The following PPP3R1 variants were observed in gnomAD, a reference collection of about 807,000 sequenced individuals.
PPP3R1 encodes calcineurin subunit B type 1.
PPP3R1 carries 5 observed loss-of-function variants against 22.6 expected under a neutral mutation model. The ratio of observed to expected loss-of-function variants is 0.22; its 90% CI spans 0.12 to 0.46. PPP3R1 has a LOEUF of 0.46. Among genes scored for constraint, PPP3R1 ranks in the 20% least tolerant of loss-of-function variants. The probability of loss-of-function intolerance (pLI) is 0.99; values close to 1 mark genes in which losing one functional copy is unlikely to be tolerated. For synonymous variants in PPP3R1, 56 were observed against 65.2 expected (o/e 0.86, Z 0.68); for missense variants, 61 against 203.2 (o/e 0.30, Z 4.25).
chr2:68,202,581 T>C (rs1269368104), intron 2 of PPP3R1, among the ~76,000 whole-genome samples: 1 of 151,766 alleles, frequency 6.6e-6, no homozygotes, highest in African/African-American at 2.4e-5. Flanking sequence ...CCCACAACCA[T>C]GCCCGGCTAA....
intron 5 of PPP3R1, 130 bp downstream of exon 5, chr2:68,186,335 AAAC>A (rs1159961380): frequency 2.5e-6 from 2 of 803,044 alleles, no homozygotes; most frequent in Non-Finnish European, 1.9e-6. Flanking sequence ...ACACATTTCA[AAAC>A]AATACGGGCA....
intron 2 of PPP3R1, among the ~76,000 whole-genome samples, chr2:68,201,833 T>C (rs1674981000): frequency 6.6e-6 from 1 of 152,254 alleles, no homozygotes; most frequent in South Asian, 2.1e-4. Flanking sequence ...ACTGCTGCTG[T>C]GAAGAAGTCC....
chr2:68,192,888 A>G (rs557937331), intron 2 of PPP3R1, among the ~76,000 whole-genome samples: 26 of 152,244 alleles, frequency 1.7e-4, no homozygotes, highest in South Asian at 8.3e-4. Flanking sequence ...CATCTCTGCT[A>G]AAGTATAGAT....
At chr2:68,202,439 T>TTG (rs1558632451) in intron 2 of PPP3R1, among the ~76,000 whole-genome samples, 336 of 94,040 alleles carry the variant, frequency 3.6e-3, no homozygotes, top group East Asian at 0.014. Context: ...TGTTGTTGTT[T>TTG]TTTGAGATGG....
At chr2:68,197,197 GCAGT>G (rs1371724258) in intron 2 of PPP3R1, among the ~76,000 whole-genome samples, 1 of 152,188 alleles carries the variant, frequency 6.6e-6, no homozygotes, top group East Asian at 1.9e-4. Context: ...GAGCCCTTTT[GCAGT>G]CAATCACCCT....
chr2:68,239,018 ATACTTT>A (rs71882598), intron 1 of PPP3R1, among the ~76,000 whole-genome samples: 6,519 of 152,260 alleles, frequency 0.043, 440 homozygotes, highest in African/African-American at 0.14. Context: ...ACATAATAAA[ATACTTT>A]TAAAGGTACA....
In PPP3R1 at chr2:68,181,077, C is replaced by T. The variant is rs956517797; in HGVS notation, c.466-67G>A. The T allele has an allele frequency of 3.0e-5, 45 of 1,476,688 alleles. 4 individuals are homozygous for T. The South Asian group carries it at 4.7e-4, about 15-fold the overall frequency. The allele number at this position is 1,476,688 out of a possible 1,614,324, so 91.5% of individuals were successfully genotyped here. A position where few individuals can be genotyped will look rare whatever the true frequency, so the allele number is the denominator to read the frequency against. The stretch of plus-strand genomic sequence containing the variant: ...AAACTCCTCATTCGTGGTCTAACTA[C>T]TTCATCAAATTTTAAAAAATATTAC... On this transcript the variant is annotated intron_variant, in intron 5 of 5. Coordinates refer to ENST00000234310, the MANE Select transcript of PPP3R1 (RefSeq NM_000945.4).
chr2:68,180,472 T>C lies in PPP3R1; in HGVS notation c.*491A>G, dbSNP rs1357741342. ...AGCTGGCCTAACACCCGGCTCAAAT[T>C]GTACAGTCTTCTATCTATATATAAA... On this transcript the variant is annotated 3_prime_UTR_variant, in exon 6 of 6. Transcript: ENST00000234310. 2.0e-5 allele frequency: 3 copies of C among 152,656 alleles called. No individual in the cohort carries two copies. Among genetic ancestry groups the C allele is most frequent in the Admixed American group, 1.3e-4 (2 of 15,290 alleles). 9.5% of individuals were successfully genotyped at this position (152,656 alleles called of 1,614,324 possible).
At chr2:68,189,090 T>TC (rs1163208637) in intron 2 of PPP3R1, among the ~76,000 whole-genome samples, 7 of 152,212 alleles carry the variant, frequency 4.6e-5, no homozygotes, top group Non-Finnish European at 1.0e-4. Flanking sequence ...CAACCTCTGT[T>TC]CTGTAAACCG....
intron 2 of PPP3R1, among the ~76,000 whole-genome samples, chr2:68,210,611 G>A (rs922247481): frequency 7.2e-5 from 11 of 151,980 alleles, no homozygotes; most frequent in Non-Finnish European, 1.2e-4. Flanking sequence ...TATATTTTTC[G>A]AGGGTTCAAC....
intron 1 of PPP3R1, among the ~76,000 whole-genome samples, chr2:68,237,622 G>A (rs1473576061): frequency 6.6e-6 from 1 of 152,116 alleles, no homozygotes; most frequent in Non-Finnish European, 1.5e-5. Context: ...GTTCAAACTG[G>A]ACAAGCAGAG....
intron 1 of PPP3R1, among the ~76,000 whole-genome samples, chr2:68,240,601 G>C (rs1670105315): frequency 6.6e-6 from 1 of 152,178 alleles, no homozygotes; most frequent in South Asian, 2.1e-4. Flanking sequence ...TGCTCTGGGA[G>C]TGTATGGCTC....
rs531237743 is a variant in PPP3R1, at chr2:68,242,345, G to A, written c.3+9780C>T. ...GAAAGCTGAGGCAGGGGAATTGCTT[G>A]AACCCAGGAGGCTGAAGTAGCGGTG... On this transcript the variant is annotated intron_variant, in intron 1 of 5. Transcript: ENST00000234310. Among the ~76,000 whole-genome samples, 6 of 151,974 alleles carry A rather than the reference G, an allele frequency of 3.9e-5. No individual in the cohort carries two copies. In the East Asian group the frequency reaches 9.7e-4, roughly 25 times the overall value.
chr2:68,244,744 T>C (rs551345245), intron 1 of PPP3R1, among the ~76,000 whole-genome samples: 1 of 152,238 alleles, frequency 6.6e-6, no homozygotes, highest in East Asian at 1.9e-4. Flanking sequence ...CCTTTGTCTT[T>C]CTTTCATAAA....
chr2:68,211,241 C>A (rs1490516848), intron 2 of PPP3R1, among the ~76,000 whole-genome samples: 1 of 151,650 alleles, frequency 6.6e-6, no homozygotes, highest in Non-Finnish European at 1.5e-5. Flanking sequence ...CCTGTCTCTA[C>A]TAAAAATACA....
At chr2:68,246,302 C>T (rs370446622) in intron 1 of PPP3R1, among the ~76,000 whole-genome samples, 8 of 151,742 alleles carry the variant, frequency 5.3e-5, no homozygotes, top group African/African-American at 1.5e-4. Context: ...CTCTAACTCC[C>T]GACCTCATGA....
At chr2:68,221,923 A>G (rs541335038) in intron 1 of PPP3R1, among the ~76,000 whole-genome samples, 47 of 152,260 alleles carry the variant, frequency 3.1e-4, no homozygotes, top group African/African-American at 1.1e-3. Flanking sequence ...CCAGATAACA[A>G]AAACTGAAAG....
chr2:68,181,328 G>C (rs1341912663), intron 5 of PPP3R1, among the ~76,000 whole-genome samples: 1 of 151,534 alleles, frequency 6.6e-6, no homozygotes, highest in Non-Finnish European at 1.5e-5. Flanking sequence ...GGGAGTTGGA[G>C]GCTGCAGTGA....
intron 5 of PPP3R1, among the ~76,000 whole-genome samples, chr2:68,185,083 G>A (rs1044247982): frequency 6.6e-6 from 1 of 152,072 alleles, no homozygotes; most frequent in South Asian, 2.1e-4. Flanking sequence ...GCTGGGCCTG[G>A]TGGCATGTGC....
Sources: allele counts gnomAD v4.1 joint callset (sites outside exome capture counted in the v4.1 genomes callset), GRCh38; gene constraint gnomAD v4.1.1; transcripts MANE v1.5; gene names NCBI Gene and HGNC (gene_info 2026-07-23, HGNC 2026-07-21).